RBM47: variants seen among roughly 807,000 people sequenced by gnomAD.
RBM47 encodes the protein RNA-binding protein 47.
Under a neutral mutation model 47.1 loss-of-function variants are expected in RBM47, and 21 were observed. The observed-to-expected ratio is 0.45, with a 90% confidence interval of 0.32 to 0.64. RBM47 has a LOEUF of 0.64. Among genes scored for constraint, RBM47 ranks in the 30% least tolerant of loss-of-function variants. The probability of loss-of-function intolerance (pLI) is 0.05; values close to 1 mark genes in which losing one functional copy is unlikely to be tolerated. For synonymous variants in RBM47, 375 were observed against 361.7 expected, an observed-to-expected ratio of 1.04 and a Z score of -0.42; for missense variants, 708 against 870.9, an observed-to-expected ratio of 0.81 and a Z score of 2.35.
At chr4:40,530,669 C>T (rs540480264) in intron 2 of RBM47, among the ~76,000 whole-genome samples, 1 of 152,310 alleles carries the variant, frequency 6.6e-6, no homozygotes, top group South Asian at 2.1e-4. Context: ...CTGGACATCA[C>T]AGGTCTAAAA....
At chr4:40,581,401 A>G (rs1732908546) in intron 1 of RBM47, among the ~76,000 whole-genome samples, 1 of 151,478 alleles carries the variant, frequency 6.6e-6, no homozygotes, top group Admixed American at 6.6e-5. Context: ...AGCCTGGGTG[A>G]CAGAGCGAGA....
intron 1 of RBM47, among the ~76,000 whole-genome samples, chr4:40,606,062 G>C (rs988655763): frequency 6.6e-6 from 1 of 151,162 alleles, no homozygotes; most frequent in African/African-American, 2.4e-5. Context: ...GCCGGGTGTG[G>C]TGGTGCACGC....
intron 1 of RBM47, among the ~76,000 whole-genome samples, chr4:40,595,667 C>T (rs1342123362): frequency 6.6e-6 from 1 of 152,036 alleles, no homozygotes; most frequent in African/African-American, 2.4e-5. Flanking sequence ...AAAGGAGGAT[C>T]ACTTGAGGTC....
chr4:40,545,958 A>G (rs1299209645), intron 1 of RBM47, among the ~76,000 whole-genome samples: 1 of 152,150 alleles, frequency 6.6e-6, no homozygotes, highest in Non-Finnish European at 1.5e-5. Context: ...AAAATGTTCA[A>G]TGAAGGGCGG....
intron 1 of RBM47, among the ~76,000 whole-genome samples, chr4:40,627,184 C>T (rs371837638): frequency 6.6e-6 from 1 of 152,186 alleles, no homozygotes; most frequent in South Asian, 2.1e-4. Flanking sequence ...TAACCTGTAG[C>T]TTGGAATCAC....
intron 1 of RBM47, among the ~76,000 whole-genome samples, chr4:40,573,807 A>AAGAAAGAAAG (rs1553903539): frequency 3.6e-4 from 49 of 136,746 alleles, no homozygotes; most frequent in African/African-American, 1.1e-3. Flanking sequence ...GAAAGAAAGA[A>AAGAAAGAAAG]AAAGAAAGAA....
At chr4:40,503,244 G>A (rs748336036) in intron 2 of RBM47, among the ~76,000 whole-genome samples, 6 of 152,194 alleles carry the variant, frequency 3.9e-5, no homozygotes, top group Non-Finnish European at 8.8e-5. Context: ...CTGACAAGGT[G>A]GCCTCAAGGT....
At chr4:40,516,261 CTTT>C (rs541606790) in intron 2 of RBM47, among the ~76,000 whole-genome samples, 1 of 133,142 alleles carries the variant, frequency 7.5e-6, no homozygotes, top group Non-Finnish European at 1.6e-5. Context: ...TCTTTTCTTT[CTTT>C]TTTTTTTTTT....
chr4:40,445,694 T>C (rs1204961867), intron 3 of RBM47, among the ~76,000 whole-genome samples: 1 of 152,194 alleles, frequency 6.6e-6, no homozygotes, highest in African/African-American at 2.4e-5. Context: ...ACCTCAACAT[T>C]GTTAACATTC....
Position 40,574,167 on chromosome 4 carries a change from C to T in RBM47, c.-239-29661G>A, listed in dbSNP as rs745349991. Among the ~76,000 whole-genome samples, 39 of 152,334 alleles carry T rather than the reference C, an allele frequency of 2.6e-4. 1 individual carries two copies. Among genetic ancestry groups the T allele is most frequent in the Non-Finnish European group, 4.7e-4 (32 of 68,038 alleles). On this transcript the variant is annotated intron_variant, in intron 1 of 6. Transcript: ENST00000295971. ...TCTGCAGTTGTTGTGGGTTATTAGA[C>T]TTCCGAGATCTAAATATTCTCCCAG...
chr4:40,537,834 CCTT>C (rs1244985749), intron 2 of RBM47, among the ~76,000 whole-genome samples: 1 of 151,160 alleles, frequency 6.6e-6, no homozygotes, highest in Admixed American at 6.6e-5. Flanking sequence ...TCTTTTTTTT[CCTT>C]CTTTTTTTTT....
At chr4:40,437,090 A>AAAAATATAT (rs1256296949) in intron 4 of RBM47, among the ~76,000 whole-genome samples, 1 of 49,852 alleles carries the variant, frequency 2.0e-5, no homozygotes, top group Non-Finnish European at 3.3e-5. Context: ...AAAAAAAAAA[A>AAAAATATAT]ATATATATAT....
At chr4:40,437,181 A>C (rs1712773014) in intron 4 of RBM47, among the ~76,000 whole-genome samples, 1 of 135,148 alleles carries the variant, frequency 7.4e-6, no homozygotes. Flanking sequence ...TAATACATAT[A>C]TATATACTAT....
chr4:40,571,115 T>C (rs1731660047), intron 1 of RBM47, among the ~76,000 whole-genome samples: 1 of 151,684 alleles, frequency 6.6e-6, no homozygotes, highest in South Asian at 2.1e-4. Flanking sequence ...ACTTGGGAGG[T>C]TGAGGCAGGA....
At chr4:40,456,991 A>G (rs1716372705) in intron 3 of RBM47, among the ~76,000 whole-genome samples, 1 of 152,170 alleles carries the variant, frequency 6.6e-6, no homozygotes, top group Non-Finnish European at 1.5e-5. Flanking sequence ...TGTGATTGTA[A>G]TTTTATAAAG....
At chr4:40,537,661 C>T (rs146236330) in intron 2 of RBM47, among the ~76,000 whole-genome samples, 40 of 152,274 alleles carry the variant, frequency 2.6e-4, no homozygotes, top group African/African-American at 9.1e-4. Context: ...AAACTCACTG[C>T]TCTTACACTC....
chr4:40,519,400 C>T (rs1472399093), intron 2 of RBM47, among the ~76,000 whole-genome samples: 1 of 149,034 alleles, frequency 6.7e-6, no homozygotes, highest in Non-Finnish European at 1.5e-5. Flanking sequence ...CGGGTTCAAG[C>T]GAATCTCCTG....
chr4:40,532,559 C>T (rs1394011888), intron 2 of RBM47, among the ~76,000 whole-genome samples: 1 of 152,040 alleles, frequency 6.6e-6, no homozygotes, highest in African/African-American at 2.4e-5. Context: ...GATCCACCCG[C>T]CTCAGCCTCC....
chr4:40,577,560 TCCTC>T (rs1732460861), intron 1 of RBM47, among the ~76,000 whole-genome samples: 1 of 151,784 alleles, frequency 6.6e-6, no homozygotes, highest in Non-Finnish European at 1.5e-5. Flanking sequence ...AAAAGGATGT[TCCTC>T]TCTGCTATTT....
Sources: gnomAD v4.1 joint callset for allele counts (sites outside exome capture counted in the v4.1 genomes callset) on GRCh38, gnomAD v4.1.1 for gene constraint, MANE v1.5 for transcripts, NCBI Gene and HGNC (gene_info 2026-07-23, HGNC 2026-07-21) for gene names.